RHOT1: variants seen among roughly 807,000 people sequenced by gnomAD.
The protein encoded by RHOT1 is mitochondrial Rho GTPase 1.
A neutral mutation model predicts 95.3 loss-of-function variants in RHOT1; 27 were observed. The observed-to-expected ratio is 0.28, with a 90% CI of 0.21 to 0.39. The LOEUF (loss-of-function observed/expected upper bound fraction) is 0.39. RHOT1 is among the 10% of genes least tolerant of loss of function. The pLI, the probability that RHOT1 is intolerant of heterozygous loss-of-function variation, is 1.00. For missense variants in RHOT1, 578 were observed against 786.7 expected (o/e 0.73, Z 3.17); for synonymous variants, 227 against 263.5 (o/e 0.86, Z 1.34).
rs117533619 is a variant in RHOT1, at chr17:32,175,539, C to T, written c.222+177C>T. Among the ~76,000 whole-genome samples, 123 of 152,290 alleles carry T rather than the reference C, an allele frequency of 8.1e-4. 3 individuals are homozygous for T. In the East Asian group the frequency reaches 0.022, roughly 27 times the overall value. The stretch of plus-strand genomic sequence containing the variant: ...TGGCGCAATTTTGCCTTATCGCAAC[C>T]TCCATCTCGCAGGCTCAAGCGATTC... On this transcript the variant is annotated intron_variant, in intron 4 of 19. Transcript: ENST00000545287.
intron 19 of RHOT1, chr17:32,222,918 G>A: frequency 1.0e-6 from 1 of 980,196 alleles, no homozygotes; most frequent in Non-Finnish European, 1.2e-6. Flanking sequence ...ATTTCCAATG[G>A]GTTGGCCTCG....
At chr17:32,172,701 C>T (rs1392023046) in intron 2 of RHOT1, among the ~76,000 whole-genome samples, 1 of 152,190 alleles carries the variant, frequency 6.6e-6, no homozygotes, top group Non-Finnish European at 1.5e-5. Context: ...TATGGTGGCG[C>T]ATGCCTGTAA....
At chr17:32,213,450 T>C (rs1314620326) in intron 19 of RHOT1, among the ~76,000 whole-genome samples, 1 of 152,192 alleles carries the variant, frequency 6.6e-6, no homozygotes, top group Non-Finnish European at 1.5e-5. Context: ...GAGAACTCTT[T>C]GTCAATGACA....
chr17:32,155,797 C>T (rs1309994783), intron 1 of RHOT1, among the ~76,000 whole-genome samples: 1 of 152,124 alleles, frequency 6.6e-6, no homozygotes, highest in African/African-American at 2.4e-5. Context: ...CCACCTCAGC[C>T]TCCCAAACTG....
intron 19 of RHOT1, among the ~76,000 whole-genome samples, chr17:32,218,366 G>A (rs535495095): frequency 2.0e-5 from 3 of 152,096 alleles, no homozygotes; most frequent in African/African-American, 7.2e-5. Context: ...AACAAGCTGG[G>A]TGTGATGGCT....
intron 1 of RHOT1, among the ~76,000 whole-genome samples, chr17:32,165,914 G>A (rs2034036422): frequency 6.6e-6 from 1 of 152,094 alleles, no homozygotes; most frequent in South Asian, 2.1e-4. Context: ...GCTAGGTGTG[G>A]TGGTGCATGC....
Position 32,224,754 on chromosome 17 carries a change from C to A in RHOT1, c.*21C>A, listed in dbSNP as rs747288105. The A allele has an allele frequency of 7.0e-7, 1 of 1,422,088 alleles. No individual in the cohort carries two copies. The highest frequency in any genetic ancestry group is 9.9e-7 in the Non-Finnish European group (1 of 1,013,004). The allele number at this position is 1,422,088 out of a possible 1,614,324, so 88.1% of individuals were successfully genotyped here. A position where few individuals can be genotyped will look rare whatever the true frequency, so the allele number is the denominator to read the frequency against. On this transcript the variant is annotated 3_prime_UTR_variant, in exon 20 of 20. Transcript: ENST00000545287. ...GATGATATAAAAAGAAATACTGTCC[C>A]TACCAAAAACAAATACTTTTATGTA...
chr17:32,218,391 C>CA (rs924952855), intron 19 of RHOT1, among the ~76,000 whole-genome samples: 37 of 151,710 alleles, frequency 2.4e-4, no homozygotes, highest in African/African-American at 8.9e-4. Context: ...CCTGTGGTCC[C>CA]AGCTACATAG....
intron 8 of RHOT1, among the ~76,000 whole-genome samples, chr17:32,186,488 C>T (rs963707970): frequency 6.6e-6 from 1 of 151,824 alleles, no homozygotes; most frequent in Non-Finnish European, 1.5e-5. Flanking sequence ...TTCAGCCTCC[C>T]GGGTAGCTGG....
chr17:32,212,391 G>A (rs1023949076), intron 19 of RHOT1, among the ~76,000 whole-genome samples: 37 of 152,186 alleles, frequency 2.4e-4, no homozygotes, highest in Admixed American at 2.1e-3. Context: ...AGGGATCACC[G>A]CACCCATTTG....
At chr17:32,148,792 C>A (rs751857540) in intron 1 of RHOT1, among the ~76,000 whole-genome samples, 20 of 152,136 alleles carry the variant, frequency 1.3e-4, no homozygotes, top group Non-Finnish European at 2.5e-4. Flanking sequence ...AGAAAAATAG[C>A]CAGTATGGCT....
At chr17:32,190,409 C>T (rs960937062) in intron 8 of RHOT1, among the ~76,000 whole-genome samples, 1 of 151,826 alleles carries the variant, frequency 6.6e-6, no homozygotes, top group Non-Finnish European at 1.5e-5. Context: ...GAGCCAAGAT[C>T]GCACAACTGC....
intron 8 of RHOT1, among the ~76,000 whole-genome samples, chr17:32,187,583 T>A (rs796101060): frequency 3.9e-5 from 6 of 152,158 alleles, no homozygotes; most frequent in South Asian, 4.1e-4. Context: ...CATTTTATAT[T>A]TTTATTTATT....
At chr17:32,155,667 C>T (rs931327039) in intron 1 of RHOT1, among the ~76,000 whole-genome samples, 1 of 151,718 alleles carries the variant, frequency 6.6e-6, no homozygotes, top group Non-Finnish European at 1.5e-5. Context: ...CTTAGCCTCC[C>T]GATTACCTGA....
intron 2 of RHOT1, among the ~76,000 whole-genome samples, chr17:32,172,391 T>C (rs1375235075): frequency 6.6e-6 from 1 of 152,252 alleles, no homozygotes; most frequent in Non-Finnish European, 1.5e-5. Context: ...AGAATTGTTT[T>C]AGCATACTCC....
At chr17:32,143,016 C>T in intron 1 of RHOT1, 2 of 704,744 alleles carry the variant, frequency 2.8e-6, no homozygotes, top group South Asian at 1.5e-5. Context: ...TTAGCCCTAA[C>T]CGCCCGACCT....
chr17:32,209,421 T>A lies in RHOT1; in HGVS notation c.1739+1112T>A, dbSNP rs752004030. 32 of 1,609,462 alleles carry A rather than the reference T, an allele frequency of 2.0e-5. No individual in the cohort carries two copies. The African/African-American group carries it at 3.7e-4, about 19-fold the overall frequency. On this transcript the variant is annotated intron_variant, in intron 18 of 19. Transcript: ENST00000545287. Reference sequence around the variant, plus strand: ...GATAGAATAGAGAATTTGAGAAAAATCTGGGTCTTTCTAAAAACTGCTTTG... The same window carrying A: ...GATAGAATAGAGAATTTGAGAAAAAACTGGGTCTTTCTAAAAACTGCTTTG...
rs747288105 is a variant in RHOT1 at position 32,224,754 on chromosome 17, C to T, written c.*21C>T. On this transcript the variant is annotated 3_prime_UTR_variant, in exon 20 of 20. Coordinates refer to ENST00000545287, the MANE Select transcript of RHOT1 (RefSeq NM_001033566.3). The stretch of plus-strand genomic sequence containing the variant: ...GATGATATAAAAAGAAATACTGTCC[C>T]TACCAAAAACAAATACTTTTATGTA... 7.0e-7 allele frequency: 1 copy of T among 1,422,088 alleles called. No homozygotes were observed. The highest frequency in any genetic ancestry group is 1.7e-5 in the Admixed American group (1 of 57,206). The allele number at this position is 1,422,088 out of a possible 1,614,324, so 88.1% of individuals were successfully genotyped here.
chr17:32,214,407 A>G (rs1270129916), intron 19 of RHOT1, among the ~76,000 whole-genome samples: 1 of 152,216 alleles, frequency 6.6e-6, no homozygotes, highest in Non-Finnish European at 1.5e-5. Flanking sequence ...GTTAGAGATT[A>G]GCAATTAATT....
Sources: gnomAD v4.1 joint callset for allele counts (sites outside exome capture counted in the v4.1 genomes callset) on GRCh38, gnomAD v4.1.1 for gene constraint, MANE v1.5 for transcripts, NCBI Gene and HGNC (gene_info 2026-07-23, HGNC 2026-07-21) for gene names.